YIPF6: variants seen among roughly 807,000 people sequenced by gnomAD.
The protein encoded by YIPF6 is protein YIPF6.
Under a neutral mutation model 16.8 loss-of-function variants are expected in YIPF6, and 3 were observed. The ratio of observed to expected loss-of-function variants is 0.18; its 90% CI spans 0.08 to 0.46. YIPF6 has a LOEUF of 0.46. Ranked by LOEUF, YIPF6 falls within the 20% of genes least tolerant of loss-of-function variation. The probability of loss-of-function intolerance (pLI) is 0.98; values close to 1 mark genes in which losing one functional copy is unlikely to be tolerated. For missense variants in YIPF6, 145 were observed against 184.9 expected (o/e 0.78, Z 1.25); for synonymous variants, 67 against 61.9 (o/e 1.08, Z -0.38).
In YIPF6 at chrX:68,512,944, T is replaced by C. The variant is rs372250067; in HGVS notation, c.187-383T>C. Among the ~76,000 whole-genome samples the C allele has an allele frequency of 9.0e-5, 10 of 110,929 alleles. No individual in the cohort carries two copies. In the East Asian group the frequency reaches 2.0e-3, roughly 22 times the overall value. On this transcript the variant is annotated intron_variant, in intron 2 of 6. Coordinates refer to ENST00000462683, the MANE Select transcript of YIPF6 (RefSeq NM_173834.4). ...ATGTAGTAGCTAGAGAGCAGGCTAA[T>C]TGGTCCTTGGAACCTCATCTTCTAT...
chrX:68,532,992 C>T lies in YIPF6; in HGVS notation c.*993C>T, dbSNP rs2079177833. 9.0e-6 allele frequency: 1 copy of T among 111,716 alleles called. No homozygotes were observed. The highest frequency in any genetic ancestry group is 1.9e-5 in the Non-Finnish European group (1 of 53,201). 9.2% of individuals were successfully genotyped at this position (111,716 alleles called of 1,213,427 possible). On this transcript the variant is annotated 3_prime_UTR_variant, in exon 7 of 7. Coordinates refer to ENST00000462683, the MANE Select transcript of YIPF6 (RefSeq NM_173834.4). ...AGCTAAATCAGAAGCCTGTATTTAA[C>T]CATGTGAACAGGGAGGGATTTAGTG...
At chrX:68,500,416 A>T (rs1415172845) in intron 1 of YIPF6, among the ~76,000 whole-genome samples, 1 of 110,603 alleles carries the variant, frequency 9.0e-6, no homozygotes, top group Non-Finnish European at 1.9e-5. Context: ...CTGGGGTTTA[A>T]GTGATTCTCC....
chrX:68,514,252 A>G (rs1468846408), intron 3 of YIPF6: 2 of 103,321 alleles, frequency 1.9e-5, no homozygotes, highest in Non-Finnish European at 3.9e-5. Flanking sequence ...ATATATATAT[A>G]TATATATATA....
intron 6 of YIPF6, among the ~76,000 whole-genome samples, chrX:68,528,675 T>C (rs1188501148): frequency 5.4e-5 from 6 of 111,901 alleles, no homozygotes; most frequent in Non-Finnish European, 9.4e-5. Context: ...AAGGCAGTCC[T>C]GGTGGTGACA....
At chrX:68,510,067 C>T (rs960072828) in intron 1 of YIPF6, among the ~76,000 whole-genome samples, 1 of 112,058 alleles carries the variant, frequency 8.9e-6, no homozygotes, top group Non-Finnish European at 1.9e-5. Flanking sequence ...AAGCACCTGG[C>T]TTTCTTTAGA....
intron 5 of YIPF6, among the ~76,000 whole-genome samples, chrX:68,522,409 G>T (rs2079130061): frequency 9.1e-6 from 1 of 109,330 alleles, no homozygotes; most frequent in Non-Finnish European, 1.9e-5. Context: ...CGATTTTCCT[G>T]CCTCAGCCTC....
chrX:68,514,435 G>A (rs2079093729), intron 3 of YIPF6: 2 of 111,367 alleles, frequency 1.8e-5, no homozygotes, highest in African/African-American at 6.5e-5. Flanking sequence ...TTGAGATGGA[G>A]TCTCGCTCTG....
At chrX:68,512,644 A>G (rs2079085538) in intron 2 of YIPF6, among the ~76,000 whole-genome samples, 2 of 111,551 alleles carry the variant, frequency 1.8e-5, no homozygotes. Context: ...TGAACCACAG[A>G]TGAGGTATTG....
At chrX:68,521,540 T>C (rs2079125845) in intron 5 of YIPF6, 43 bp downstream of exon 5, 3 of 1,175,264 alleles carry the variant, frequency 2.6e-6, no homozygotes, top group Middle Eastern at 4.9e-4. Flanking sequence ...TCTTGCCAGG[T>C]AGTATATCTT....
At chrX:68,499,168 G>A in intron 1 of YIPF6, 45 bp downstream of exon 1, 1 of 1,152,864 alleles carries the variant, frequency 8.7e-7, no homozygotes, top group Non-Finnish European at 1.2e-6. Flanking sequence ...GTGAGGCAGA[G>A]TGCCCCCTAA....
intron 6 of YIPF6, among the ~76,000 whole-genome samples, chrX:68,529,297 G>A (rs1220257922): frequency 9.1e-6 from 1 of 109,566 alleles, no homozygotes; most frequent in African/African-American, 3.3e-5. Context: ...TATGCTTCAT[G>A]AAGTTCTCAT....
rs760014637 is a variant in YIPF6 at position 68,499,120 on chromosome X, C to T, written c.54C>T (p.Pro18=). Residue 18 remains proline, a synonymous_variant, in exon 1 of 7, where the codon CCC becomes CCT. Coordinates refer to ENST00000462683, the MANE Select transcript of YIPF6 (RefSeq NM_173834.4). ...ACCCGGGGACAGCATCGCCCAGGCC[C>T]CTGGTGAGCTTGGGATCTGCGACAA... The part of the protein sequence containing the change: ...PGDPGTASPR[P]LFAGLSDISI... 2.5e-6 allele frequency: 3 copies of T among 1,178,764 alleles called. No homozygotes were observed. Among genetic ancestry groups the T allele is most frequent in the African/African-American group, 1.8e-5 (1 of 56,342 alleles).
At chrX:68,531,327 G>A (rs1370937453) in intron 6 of YIPF6, among the ~76,000 whole-genome samples, 1 of 111,374 alleles carries the variant, frequency 9.0e-6, no homozygotes, top group Non-Finnish European at 1.9e-5. Flanking sequence ...GTTTCACCAT[G>A]TTGGCCAAGC....
chrX:68,537,133 C>T lies in YIPF6; in HGVS notation c.*5134C>T, dbSNP rs1282226014. On this transcript the variant is annotated 3_prime_UTR_variant, in exon 7 of 7. Coordinates refer to ENST00000462683, the MANE Select transcript of YIPF6 (RefSeq NM_173834.4). ...TCTTGTTTACTCTGTTCTTTCAGAG[C>T]CTTTGTACTTTGCCATCACTGCTAG... is the stretch of plus-strand genomic sequence containing the variant. 1 of 112,179 alleles carries T rather than the reference C, an allele frequency of 8.9e-6. No homozygotes were observed. Among genetic ancestry groups the T allele is most frequent in the Admixed American group, 9.5e-5 (1 of 10,527 alleles). The allele number at this position is 112,179 out of a possible 1,213,427, so 9.2% of individuals were successfully genotyped here. A position where few individuals can be genotyped will look rare whatever the true frequency, so the allele number is the denominator to read the frequency against.
chrX:68,531,249 C>G (rs902353567), intron 6 of YIPF6, among the ~76,000 whole-genome samples: 3 of 110,907 alleles, frequency 2.7e-5, no homozygotes, highest in African/African-American at 9.8e-5. Flanking sequence ...CTCAGCCACC[C>G]GAGTAGCTGG....
intron 4 of YIPF6, among the ~76,000 whole-genome samples, chrX:68,519,539 G>A (rs1322756736): frequency 9.2e-6 from 1 of 108,678 alleles, no homozygotes; most frequent in Admixed American, 1.0e-4. Context: ...GGTTCAAAAA[G>A]GTTGAGGATT....
Position 68,520,109 on chromosome X carries a change from A to G in YIPF6, c.309-1263A>G, listed in dbSNP as rs1178632626. On this transcript the variant is annotated intron_variant, in intron 4 of 6. Transcript: ENST00000462683. ...CAGGGATTCCAGACAACAAGTGATGAGTGCTGGCCATTCTTTGCATCTGGT... is the reference window on the plus strand; with the variant it reads ...CAGGGATTCCAGACAACAAGTGATGGGTGCTGGCCATTCTTTGCATCTGGT... Among the ~76,000 whole-genome samples the G allele has an allele frequency of 3.6e-5, 4 of 111,971 alleles. No individual in the cohort carries two copies. The East Asian group carries it at 1.1e-3, about 32-fold the overall frequency.
At chrX:68,506,386 T>C (rs12011750) in intron 1 of YIPF6, among the ~76,000 whole-genome samples, 10,625 of 110,849 alleles carry the variant, frequency 0.096, 1,116 homozygotes, top group African/African-American at 0.31. Flanking sequence ...TTAGTAAATA[T>C]TTGGTATGTA....
chrX:68,529,517 T>C (rs1474917483), intron 6 of YIPF6, among the ~76,000 whole-genome samples: 1 of 110,865 alleles, frequency 9.0e-6, no homozygotes, highest in East Asian at 2.9e-4. Flanking sequence ...GTTCCCTTGC[T>C]GGCAAGGAGT....
Sources: allele counts gnomAD v4.1 joint callset (sites outside exome capture counted in the v4.1 genomes callset), GRCh38; gene constraint gnomAD v4.1.1; transcripts MANE v1.5; gene names NCBI Gene and HGNC (gene_info 2026-07-23, HGNC 2026-07-21).